SEC61G: variants seen among roughly 807,000 people sequenced by gnomAD.
The protein encoded by SEC61G is SEC61 translocon subunit gamma, also known as protein transport protein Sec61 subunit gamma.
In SEC61G, 4 loss-of-function variants were observed where a neutral mutation model predicts 7.5. The observed-to-expected ratio is 0.54, with a 90% CI of 0.26 to 1.22. SEC61G has a LOEUF of 1.22. Among genes scored for constraint, SEC61G ranks in the 50% most tolerant of loss-of-function variants. SEC61G has a pLI of 0.12. For synonymous variants in SEC61G, 24 were observed against 24.4 expected, an observed-to-expected ratio of 0.98 and a Z score of 0.05; for missense variants, 53 against 84.6, an observed-to-expected ratio of 0.63 and a Z score of 1.46.
chr7:54,753,469 G>A (rs984572127), intron 3 of SEC61G, among the ~76,000 whole-genome samples: 2 of 151,708 alleles, frequency 1.3e-5, no homozygotes, highest in Non-Finnish European at 2.9e-5. Context: ...AAAAAAAGAA[G>A]AAAAAAATCT....
intron 1 of SEC61G, among the ~76,000 whole-genome samples, chr7:54,757,879 A>G (rs1791551535): frequency 6.6e-6 from 1 of 152,232 alleles, no homozygotes; most frequent in African/African-American, 2.4e-5. Flanking sequence ...TCTCTATTAA[A>G]AGGTTAAAAA....
intron 2 of SEC61G, among the ~76,000 whole-genome samples, chr7:54,756,960 ATATACTATATATAC>A (rs1364591116): frequency 1.4e-5 from 2 of 140,842 alleles, no homozygotes; most frequent in South Asian, 2.4e-4. Context: ...TATATATACT[ATATACTATATATAC>A]TATATACTAT....
intron 1 of SEC61G, 38 bp downstream of exon 1, chr7:54,759,119 GC>G (rs1791583552): frequency 2.0e-6 from 1 of 511,712 alleles, no homozygotes; most frequent in Admixed American, 2.0e-5. Context: ...AGGTGTGGCC[GC>G]CCCGTTCGCC....
Position 54,757,376 on chromosome 7 carries a change from G to A in SEC61G, c.94+119C>T, listed in dbSNP as rs1413909473. The A allele has an allele frequency of 4.1e-5, 32 of 785,574 alleles. No homozygotes were observed. In the East Asian group the frequency reaches 8.2e-4, roughly 20 times the overall value. The allele number at this position is 785,574 out of a possible 1,614,324, so 48.7% of individuals were successfully genotyped here. A position where few individuals can be genotyped will look rare whatever the true frequency, so the allele number is the denominator to read the frequency against. ...ACAACGTTAAAAAGCTGTCGCGCAG[G>A]ATCAATCAATAAAAATGTTGATCAA... On this transcript the variant is annotated intron_variant, in intron 2 of 3. Transcript: ENST00000352861.
Position 54,757,611 on chromosome 7 carries a change from A to G in SEC61G, c.-6-17T>C. ...CATGACTGCCTGTTTAAAACAAAAA[A>G]GATACTCACTGGTATTGGTTCTCAT... On this transcript the variant is annotated splice_polypyrimidine_tract_variant and intron_variant, in intron 1 of 3. Coordinates refer to ENST00000352861, the MANE Select transcript of SEC61G (RefSeq NM_014302.4). 2.5e-6 allele frequency: 4 copies of G among 1,599,648 alleles called. No individual in the cohort carries two copies. The highest frequency in any genetic ancestry group is 3.4e-6 in the Non-Finnish European group (4 of 1,167,182).
chr7:54,755,697 T>C (rs1390681259), intron 3 of SEC61G, 82 bp downstream of exon 3: 3 of 703,192 alleles, frequency 4.3e-6, no homozygotes, highest in African/African-American at 3.6e-5. Context: ...GATGCATCTC[T>C]ATATTAACGA....
chr7:54,756,969 ATATACTATATACTATATAC>A (rs1300468368), intron 2 of SEC61G, among the ~76,000 whole-genome samples: 1,142 of 99,606 alleles, frequency 0.011, 12 homozygotes, highest in South Asian at 0.03. Context: ...TATATACTAT[ATATACTATATACTATATAC>A]TATATTATAT....
At chr7:54,753,507 T>C (rs1791452476) in intron 3 of SEC61G, among the ~76,000 whole-genome samples, 1 of 152,150 alleles carries the variant, frequency 6.6e-6, no homozygotes, top group Non-Finnish European at 1.5e-5. Flanking sequence ...TTCAACCCAA[T>C]GAGTTATTTC....
chr7:54,757,661 T>A, intron 1 of SEC61G, 67 bp from the exon 2 acceptor site: 7 of 1,288,244 alleles, frequency 5.4e-6, no homozygotes, highest in Admixed American at 1.7e-5. Context: ...CTCATTTATA[T>A]AAAGATGTAA....
At chr7:54,756,412 T>C (rs941238824) in intron 2 of SEC61G, among the ~76,000 whole-genome samples, 1 of 152,128 alleles carries the variant, frequency 6.6e-6, no homozygotes, top group Admixed American at 6.6e-5. Flanking sequence ...TCTCAGCACT[T>C]TGGGAGGCCG....
intron 3 of SEC61G, among the ~76,000 whole-genome samples, chr7:54,753,482 AG>A (rs1317197386): frequency 6.6e-6 from 1 of 152,218 alleles, no homozygotes; most frequent in Non-Finnish European, 1.5e-5. Flanking sequence ...AAAAATCTTA[AG>A]AAAAAACTGA....
chr7:54,754,248 A>T (rs1055943718), intron 3 of SEC61G, among the ~76,000 whole-genome samples: 4 of 152,236 alleles, frequency 2.6e-5, no homozygotes, highest in African/African-American at 9.7e-5. Context: ...ACTAAGAACA[A>T]TGAAGGGTGA....
intron 2 of SEC61G, among the ~76,000 whole-genome samples, chr7:54,756,947 C>CTA (rs564875667): frequency 6.8e-6 from 1 of 147,008 alleles, no homozygotes; most frequent in Non-Finnish European, 1.5e-5. Flanking sequence ...ATATACTATA[C>CTA]TATATATATA....
At chr7:54,755,623 A>G (rs997310719) in intron 3 of SEC61G, 156 bp downstream of exon 3, 3 of 432,722 alleles carry the variant, frequency 6.9e-6, no homozygotes, top group Non-Finnish European at 1.2e-5. Context: ...GTAAGATCTA[A>G]AAGCCCTCAA....
rs371439780 is a variant in SEC61G, at chr7:54,757,544, T to C, written c.45A>G (p.Val15=). The C allele has an allele frequency of 6.2e-7, 1 of 1,614,042 alleles. No individual in the cohort carries two copies. Among genetic ancestry groups the C allele is most frequent in the African/African-American group, 1.3e-5 (1 of 74,942 alleles). The change falls in exon 2 of 4, where the codon GTA becomes GTG. Residue 15 remains valine, a synonymous_variant. Transcript: ENST00000352861. ...TTTTAACCAGCCGAATGGAGTCCTT[T>C]ACAAACTGCCGACTTGGCTCAACAA... ...MQFVEPSRQF[V]KDSIRLVKRC...
chr7:54,753,023 C>G (rs1012189265), intron 3 of SEC61G, among the ~76,000 whole-genome samples: 1 of 151,780 alleles, frequency 6.6e-6, no homozygotes, highest in Non-Finnish European at 1.5e-5. Flanking sequence ...GGCATGGTGG[C>G]TCTCACCTGT....
intron 2 of SEC61G, 36 bp from the exon 3 acceptor site, chr7:54,755,917 C>T (rs1583715161): frequency 2.3e-6 from 3 of 1,315,642 alleles, no homozygotes; most frequent in Admixed American, 3.8e-5. Flanking sequence ...ATATTTTTTG[C>T]ACTGTCACTG....
At position 54,755,994 on chromosome 7, in the gene SEC61G, A is replaced by T. The variant is rs1583715255; in HGVS notation, c.95-113T>A. The T allele has an allele frequency of 1.6e-5, 8 of 492,014 alleles. No individual in the cohort carries two copies. The East Asian group carries it at 2.6e-4, about 16-fold the overall frequency. The allele number at this position is 492,014 out of a possible 1,614,324, so 30.5% of individuals were successfully genotyped here. ...ACTAGTATACATTTCTCCTGTTAAT[A>T]GATATATAATTTAAAAATAAAAAGG... On this transcript the variant is annotated intron_variant, in intron 2 of 3. Coordinates refer to ENST00000352861, the MANE Select transcript of SEC61G (RefSeq NM_014302.4).
At chr7:54,752,671 G>A (rs1468530354) in intron 3 of SEC61G, among the ~76,000 whole-genome samples, 2 of 152,142 alleles carry the variant, frequency 1.3e-5, no homozygotes, top group Admixed American at 1.3e-4. Context: ...TGCCATTTTG[G>A]AATAGTCTAG....
Sources: allele counts gnomAD v4.1 joint callset (sites outside exome capture counted in the v4.1 genomes callset), GRCh38; gene constraint gnomAD v4.1.1; transcripts MANE v1.5; gene names NCBI Gene and HGNC (gene_info 2026-07-23, HGNC 2026-07-21).